Variants in ATRN observed in about 807,000 individuals in gnomAD.
ATRN encodes attractin-2.
In ATRN, 54 loss-of-function variants were observed where a neutral mutation model predicts 178.7. The observed-to-expected ratio is 0.30, with a 90% confidence interval of 0.24 to 0.38. The LOEUF (loss-of-function observed/expected upper bound fraction) is 0.38, where lower values mean the gene tolerates loss of function less well. ATRN is among the 10% of genes least tolerant of loss of function. The pLI is 1.00. For missense variants in ATRN, 1,443 were observed against 1,815.1 expected (o/e 0.79, Z 3.73); for synonymous variants, 636 against 663.0 (o/e 0.96, Z 0.63).
At chr20:3,573,076 T>C in intron 12 of ATRN, 125 bp downstream of exon 12, 1 of 864,924 alleles carries the variant, frequency 1.2e-6, no homozygotes, top group Non-Finnish European at 1.7e-6. Context: ...CAGTAATAAC[T>C]TGTACAAAGT....
intron 24 of ATRN, among the ~76,000 whole-genome samples, chr20:3,609,714 A>ATGTGTGTGTGTGTGTG (rs34028518): frequency 2.1e-5 from 3 of 146,224 alleles, no homozygotes; most frequent in African/African-American, 7.7e-5. Context: ...GTATGTATGT[A>ATGTGTGTGTGTGTGTG]TGTGTGTGTG....
intron 24 of ATRN, among the ~76,000 whole-genome samples, chr20:3,606,475 T>C (rs552260601): frequency 1.3e-5 from 2 of 152,328 alleles, no homozygotes; most frequent in Admixed American, 1.3e-4. Flanking sequence ...GCCACATCTA[T>C]TCTGGTGATT....
chr20:3,496,917 G>A (rs1180758566), intron 1 of ATRN, among the ~76,000 whole-genome samples: 1 of 150,514 alleles, frequency 6.6e-6, no homozygotes, highest in Admixed American at 6.6e-5. Flanking sequence ...ATTATGTAAT[G>A]GCCTTCTTTG....
At chr20:3,635,806 T>A (rs1222589130) in intron 26 of ATRN, among the ~76,000 whole-genome samples, 1 of 152,178 alleles carries the variant, frequency 6.6e-6, no homozygotes, top group East Asian at 1.9e-4. Flanking sequence ...TGTTGCACAC[T>A]CTTTATTATT....
At chr20:3,473,857 G>C (rs1465225795) in intron 1 of ATRN, among the ~76,000 whole-genome samples, 1 of 152,122 alleles carries the variant, frequency 6.6e-6, no homozygotes, top group Non-Finnish European at 1.5e-5. Flanking sequence ...TCAGAGCAGT[G>C]GTAATGAGAG....
intron 1 of ATRN, chr20:3,490,980 C>A: frequency 2.0e-6 from 3 of 1,537,612 alleles, no homozygotes; most frequent in Middle Eastern, 2.2e-4. Context: ...ATGATAGCGC[C>A]GCTGCTGCTC....
intron 1 of ATRN, among the ~76,000 whole-genome samples, chr20:3,512,105 A>T (rs188034673): frequency 0.09 from 10,194 of 112,872 alleles, 510 homozygotes; most frequent in Middle Eastern, 0.14. Flanking sequence ...ATATATATAT[A>T]TATTTTTTTT....
intron 18 of ATRN, 37 bp from the exon 19 acceptor site, chr20:3,591,132 C>T (rs754872449): frequency 4.7e-5 from 73 of 1,560,802 alleles, no homozygotes; most frequent in Middle Eastern, 3.5e-4. Context: ...TGCAGTTCTT[C>T]CATGGTACAG....
chr20:3,579,251 T>C (rs1462295722), intron 15 of ATRN, among the ~76,000 whole-genome samples: 2 of 152,084 alleles, frequency 1.3e-5, no homozygotes, highest in Non-Finnish European at 2.9e-5. Context: ...TTTGGGAGGC[T>C]GAGGTGGGTG....
At chr20:3,554,724 C>T (rs188259170) in intron 6 of ATRN, among the ~76,000 whole-genome samples, 2 of 152,188 alleles carry the variant, frequency 1.3e-5, no homozygotes, top group African/African-American at 4.8e-5. Context: ...CCTGTTAACG[C>T]AAAACTTTTT....
At position 3,500,344 on chromosome 20, in the gene ATRN, A is replaced by G. The variant is rs1323563092; in HGVS notation, c.410+28827A>G. Among the ~76,000 whole-genome samples, 4 of 152,182 alleles carry G rather than the reference A, an allele frequency of 2.6e-5. No homozygotes were observed. In the South Asian group the frequency reaches 8.3e-4, roughly 31 times the overall value. On this transcript the variant is annotated intron_variant, in intron 1 of 28. Transcript: ENST00000262919. ...CCATCCCATTACTGGGTATATACCCAAAGGACTATATAAATCATGCTGCTA... is the reference window on the plus strand; with the variant it reads ...CCATCCCATTACTGGGTATATACCCGAAGGACTATATAAATCATGCTGCTA...
chr20:3,554,013 A>T (rs2085826294), intron 6 of ATRN, among the ~76,000 whole-genome samples: 1 of 152,164 alleles, frequency 6.6e-6, no homozygotes, highest in Admixed American at 6.5e-5. Flanking sequence ...CATAGAAGGT[A>T]CTCAGATAGG....
At chr20:3,606,206 G>A (rs1369087050) in intron 24 of ATRN, among the ~76,000 whole-genome samples, 1 of 152,132 alleles carries the variant, frequency 6.6e-6, no homozygotes, top group African/African-American at 2.4e-5. Context: ...GCTCACAATG[G>A]TCTGGCCTCT....
chr20:3,540,372 AT>A (rs1315117497), intron 3 of ATRN, 37 bp downstream of exon 3: 1 of 1,312,646 alleles, frequency 7.6e-7, no homozygotes, highest in African/African-American at 1.5e-5. Context: ...TCATCGTTTG[AT>A]TTCTAAATTT....
Position 3,556,789 on chromosome 20 carries a change from G to GT in ATRN, c.1113-2595dup, listed in dbSNP as rs530229500. ...TGCATCAGTATCGTTCTTGTCTTAT[G>GT]TTTTTTTTTCTCTGTGTTGAGAGAT... On this transcript the variant is annotated intron_variant, in intron 6 of 28. Transcript: ENST00000262919. 1.0e-3 allele frequency among the ~76,000 whole-genome samples: 155 copies of GT among 150,980 alleles called. 2 individuals are homozygous for GT. The South Asian group carries it at 0.016, about 16-fold the overall frequency.
At chr20:3,594,304 A>C (rs1568752486) in intron 19 of ATRN, among the ~76,000 whole-genome samples, 175 bp from the exon 20 acceptor site, 1 of 152,194 alleles carries the variant, frequency 6.6e-6, no homozygotes, top group Non-Finnish European at 1.5e-5. Flanking sequence ...AATGTTACCT[A>C]TACATTATTA....
chr20:3,491,736 T>G (rs1263884203), intron 1 of ATRN, among the ~76,000 whole-genome samples: 1 of 152,178 alleles, frequency 6.6e-6, no homozygotes, highest in African/African-American at 2.4e-5. Context: ...ATTTACTCAC[T>G]TGCAAACTAT....
At chr20:3,586,304 A>G (rs1322611422) in intron 18 of ATRN, among the ~76,000 whole-genome samples, 1 of 152,224 alleles carries the variant, frequency 6.6e-6, no homozygotes, top group Non-Finnish European at 1.5e-5. Flanking sequence ...CCCTAAAAAA[A>G]CATGCTATGT....
At chr20:3,485,859 A>G (rs983541231) in intron 1 of ATRN, among the ~76,000 whole-genome samples, 1 of 151,934 alleles carries the variant, frequency 6.6e-6, no homozygotes, top group African/African-American at 2.4e-5. Flanking sequence ...TGACCTCATA[A>G]TCCTCCTGCC....
Sources: allele counts gnomAD v4.1 joint callset (sites outside exome capture counted in the v4.1 genomes callset), GRCh38; gene constraint gnomAD v4.1.1; transcripts MANE v1.5; gene names NCBI Gene and HGNC (gene_info 2026-07-23, HGNC 2026-07-21).